NMNAT2: variants seen among roughly 807,000 people sequenced by gnomAD.
NMNAT2 encodes nicotinamide nucleotide adenylyltransferase 2, also known as nicotinamide/nicotinic acid mononucleotide adenylyltransferase 2.
A neutral mutation model predicts 41.6 loss-of-function variants in NMNAT2; 11 were observed. That is an observed-to-expected ratio of 0.26 (90% CI 0.17 to 0.44). The LOEUF is 0.44. Ranked by LOEUF, NMNAT2 falls within the 20% of genes least tolerant of loss-of-function variation. The pLI is 1.00. For missense variants in NMNAT2, 288 were observed against 407.7 expected, an observed-to-expected ratio of 0.71 and a Z score of 2.53; for synonymous variants, 148 against 151.2, an observed-to-expected ratio of 0.98 and a Z score of 0.16.
Position 183,356,695 on chromosome 1 carries a change from C to T in NMNAT2, c.85+61488G>A, listed in dbSNP as rs538107547. Among the ~76,000 whole-genome samples, 9 of 152,330 alleles carry T rather than the reference C, an allele frequency of 5.9e-5. No individual in the cohort carries two copies. In the South Asian group the frequency reaches 1.0e-3, roughly 18 times the overall value. ...TAACTGTATTCATACTATATAAACA[C>T]GCTGAGTTAACTAACAAGGAGATGA... On this transcript the variant is annotated intron_variant, in intron 1 of 10. Transcript: ENST00000287713.
chr1:183,310,700 C>T (rs1662094852), intron 1 of NMNAT2, among the ~76,000 whole-genome samples: 1 of 152,144 alleles, frequency 6.6e-6, no homozygotes, highest in Non-Finnish European at 1.5e-5. Context: ...CACAGGACAG[C>T]CCCACAACAA....
At chr1:183,260,943 T>A in intron 10 of NMNAT2, 59 bp downstream of exon 10, 1 of 1,355,596 alleles carries the variant, frequency 7.4e-7, no homozygotes, top group Non-Finnish European at 1.1e-6. Flanking sequence ...GGAGGAAATT[T>A]ATGTGGAGAC....
chr1:183,289,588 C>T (rs750333182), intron 4 of NMNAT2, among the ~76,000 whole-genome samples: 3 of 152,200 alleles, frequency 2.0e-5, no homozygotes, highest in Admixed American at 6.5e-5. Flanking sequence ...AGGCATCAGA[C>T]ACCATCTGCC....
At chr1:183,307,681 G>T (rs113689136) in intron 1 of NMNAT2, among the ~76,000 whole-genome samples, 1 of 152,330 alleles carries the variant, frequency 6.6e-6, no homozygotes, top group African/African-American at 2.4e-5. Flanking sequence ...GACCTCAGGT[G>T]ATCTGCCCAC....
intron 1 of NMNAT2, among the ~76,000 whole-genome samples, chr1:183,348,769 G>A (rs1271329048): frequency 6.6e-6 from 1 of 152,124 alleles, no homozygotes; most frequent in Non-Finnish European, 1.5e-5. Flanking sequence ...TTCTGCTTTC[G>A]GAGATCTTGT....
At chr1:183,253,995 C>T (rs375021420) in intron 10 of NMNAT2, among the ~76,000 whole-genome samples, 14 of 150,820 alleles carry the variant, frequency 9.3e-5, no homozygotes, top group Admixed American at 8.0e-4. Context: ...CATTGATGGA[C>T]GTCTAGGTTG....
intron 5 of NMNAT2, among the ~76,000 whole-genome samples, chr1:183,285,837 C>T (rs500530): frequency 0.33 from 50,301 of 151,924 alleles, 8,456 homozygotes; most frequent in South Asian, 0.37. Flanking sequence ...AGGTAAAGCA[C>T]GAGCATCATT....
chr1:183,276,410 T>C (rs1051087847), intron 8 of NMNAT2, among the ~76,000 whole-genome samples: 1 of 152,186 alleles, frequency 6.6e-6, no homozygotes, highest in African/African-American at 2.4e-5. Context: ...ATAATGTTGG[T>C]ATCTGACAAC....
At chr1:183,332,442 G>T (rs1321037831) in intron 1 of NMNAT2, among the ~76,000 whole-genome samples, 4 of 152,150 alleles carry the variant, frequency 2.6e-5, no homozygotes, top group Non-Finnish European at 5.9e-5. Flanking sequence ...GAATACTCAG[G>T]TTAAAAAGCA....
intron 1 of NMNAT2, among the ~76,000 whole-genome samples, chr1:183,353,818 T>C (rs1260505746): frequency 6.6e-6 from 1 of 152,146 alleles, no homozygotes; most frequent in African/African-American, 2.4e-5. Context: ...GGGAACATCC[T>C]GTTCCTGTCC....
intron 1 of NMNAT2, among the ~76,000 whole-genome samples, chr1:183,349,048 G>A (rs1470626365): frequency 6.6e-6 from 1 of 152,122 alleles, no homozygotes. Flanking sequence ...CAAAACTCTG[G>A]CCCAGGTGGC....
At chr1:183,359,135 T>C (rs1663255274) in intron 1 of NMNAT2, among the ~76,000 whole-genome samples, 2 of 152,114 alleles carry the variant, frequency 1.3e-5, no homozygotes, top group Non-Finnish European at 2.9e-5. Flanking sequence ...TTTCATGAGA[T>C]AGTTGATTTT....
At chr1:183,259,416 T>A (rs1476239727) in intron 10 of NMNAT2, among the ~76,000 whole-genome samples, 1 of 152,248 alleles carries the variant, frequency 6.6e-6, no homozygotes, top group East Asian at 1.9e-4. Flanking sequence ...CTCTGAAAGA[T>A]GTGACACAGA....
chr1:183,354,467 A>G (rs1663139076), intron 1 of NMNAT2, among the ~76,000 whole-genome samples: 1 of 129,922 alleles, frequency 7.7e-6, no homozygotes. Context: ...GCTGGAGTGC[A>G]GTGGTGTGAT....
chr1:183,387,429 C>T (rs1288538517), intron 1 of NMNAT2, among the ~76,000 whole-genome samples: 1 of 152,166 alleles, frequency 6.6e-6, no homozygotes, highest in Admixed American at 6.6e-5. Flanking sequence ...ACAGCTCTTA[C>T]AGCCACACAT....
rs74751291 is a variant in NMNAT2, at chr1:183,316,650, G to A, written c.86-22857C>T. Reference sequence around the variant, plus strand: ...ACTGGGCACTTTACTTCCCTCTGGAGGGCAGGCACTGTGTCTCATCCAGCT... The same window carrying A: ...ACTGGGCACTTTACTTCCCTCTGGAAGGCAGGCACTGTGTCTCATCCAGCT... On this transcript the variant is annotated intron_variant, in intron 1 of 10. Transcript: ENST00000287713. Among the ~76,000 whole-genome samples the A allele has an allele frequency of 6.4e-4, 98 of 152,284 alleles. 1 individual carries two copies. The highest frequency in any genetic ancestry group is 2.2e-3 in the African/African-American group (93 of 41,548).
At chr1:183,381,267 A>G (rs1162661570) in intron 1 of NMNAT2, among the ~76,000 whole-genome samples, 1 of 152,204 alleles carries the variant, frequency 6.6e-6, no homozygotes, top group Non-Finnish European at 1.5e-5. Context: ...GCAAGCAGAG[A>G]AAGTTCAGGT....
At chr1:183,392,216 T>C (rs916978903) in intron 1 of NMNAT2, among the ~76,000 whole-genome samples, 23 of 152,190 alleles carry the variant, frequency 1.5e-4, no homozygotes, top group African/African-American at 5.6e-4. Context: ...TTCCCACAGA[T>C]ACCCCACACC....
intron 1 of NMNAT2, among the ~76,000 whole-genome samples, chr1:183,313,196 A>G (rs1377966828): frequency 6.6e-6 from 1 of 152,032 alleles, no homozygotes; most frequent in Non-Finnish European, 1.5e-5. Context: ...ACAAAGAACC[A>G]TTTCTTGTAA....
Sources: gnomAD v4.1 joint callset for allele counts (sites outside exome capture counted in the v4.1 genomes callset) on GRCh38, gnomAD v4.1.1 for gene constraint, MANE v1.5 for transcripts, NCBI Gene and HGNC (gene_info 2026-07-23, HGNC 2026-07-21) for gene names.